The following RNF144B variants were observed in gnomAD, a reference collection of about 807,000 sequenced individuals.
RNF144B encodes E3 ubiquitin-protein ligase RNF144B.
A neutral mutation model predicts 40.2 loss-of-function variants in RNF144B; 25 were observed. That is an observed-to-expected ratio of 0.62 (90% CI 0.45 to 0.87). The LOEUF (loss-of-function observed/expected upper bound fraction) is 0.87. Among genes scored for constraint, RNF144B ranks in the 40% least tolerant of loss-of-function variants. The probability of loss-of-function intolerance (pLI) is 0.00; values close to 1 mark genes in which losing one functional copy is unlikely to be tolerated. For missense variants in RNF144B, 365 were observed against 373.7 expected, an observed-to-expected ratio of 0.98 and a Z score of 0.19; for synonymous variants, 145 against 136.3, an observed-to-expected ratio of 1.06 and a Z score of -0.44.
At position 18,419,645 on chromosome 6, in the gene RNF144B, G is replaced by A. The variant is rs574048208; in HGVS notation, c.166-7936G>A. Among the ~76,000 whole-genome samples the A allele has an allele frequency of 6.6e-6, 1 of 152,114 alleles. No homozygotes were observed. The highest frequency in any genetic ancestry group is 1.5e-5 in the Non-Finnish European group (1 of 68,022). ...GATACTGCTGTTGAGAGGTTGGGAA[G>A]GAAGAAATGTGTACTGGATTCAGTG... On this transcript the variant is annotated intron_variant, in intron 2 of 7. Coordinates refer to ENST00000259939, the MANE Select transcript of RNF144B (RefSeq NM_182757.4). This position sits in a 1 kb window ranked among gnomAD's most constrained non-coding sequence, Gnocchi z 4.6.
chr6:18,464,954 A>G lies in RNF144B; in HGVS notation c.799A>G (p.Ile267Val), dbSNP rs757844724. ...GGTGGGGATTCTCGTAGGCTTGGGC[A>G]TCATTGCCTTGGTTACTTCACCCTT... ...QVVGILVGLGIIALVTSPLLL... is the reference protein window; with the variant it reads ...QVVGILVGLGVIALVTSPLLL... The change falls in exon 8 of 8, where the codon ATC (isoleucine) becomes GTC (valine). Residue 267 changes from isoleucine (I) to valine (V), a missense_variant. Physicochemically the swap from Ile to Val is conservative, Grantham distance 29. Transcript: ENST00000259939. The surrounding 1 kb of genome is among the most constrained non-coding windows in gnomAD (Gnocchi z 6.1). 3 of 1,614,062 alleles carry G rather than the reference A, an allele frequency of 1.9e-6. No homozygotes were observed. The Admixed American group carries it at 5.0e-5, about 27-fold the overall frequency.
chr6:18,394,532 A>T (rs1222539234), intron 1 of RNF144B, among the ~76,000 whole-genome samples: 2 of 151,272 alleles, frequency 1.3e-5, no homozygotes, highest in African/African-American at 4.9e-5. Flanking sequence ...CGGGAGGTGG[A>T]GGTTGCAGTG....
intron 1 of RNF144B, among the ~76,000 whole-genome samples, chr6:18,391,515 C>T (rs376336286): frequency 1.2e-4 from 19 of 152,234 alleles, no homozygotes; most frequent in Middle Eastern, 3.4e-3. Context: ...GGATTTCTAC[C>T]TCTTGGGCCT....
rs185725075 is a variant in RNF144B, at chr6:18,400,514, C to T, written c.165+815C>T. On this transcript the variant is annotated intron_variant, in intron 2 of 7. Coordinates refer to ENST00000259939, the MANE Select transcript of RNF144B (RefSeq NM_182757.4). This position sits in a 1 kb window ranked among gnomAD's most constrained non-coding sequence, Gnocchi z 5.6. The stretch of plus-strand genomic sequence containing the variant: ...TCCACTTAATGAGAGCCCTATAGAC[C>T]TGCAGAAGTGGGCTTATCTCTTTTA... 8.5e-5 allele frequency among the ~76,000 whole-genome samples: 13 copies of T among 152,280 alleles called. No individual in the cohort carries two copies. Among genetic ancestry groups the T allele is most frequent in the African/African-American group, 3.1e-4 (13 of 41,548 alleles).
At chr6:18,393,187 G>A (rs778900025) in intron 1 of RNF144B, among the ~76,000 whole-genome samples, 1 of 151,912 alleles carries the variant, frequency 6.6e-6, no homozygotes, top group South Asian at 2.1e-4. Flanking sequence ...CCCTGACTAC[G>A]AGAGGGGCAG....
At position 18,412,895 on chromosome 6, in the gene RNF144B, T is replaced by G. The variant is rs1465904279; in HGVS notation, c.165+13196T>G. 6.6e-6 allele frequency among the ~76,000 whole-genome samples: 1 copy of G among 152,142 alleles called. No homozygotes were observed. The highest frequency in any genetic ancestry group is 6.5e-5 in the Admixed American group (1 of 15,276). On this transcript the variant is annotated intron_variant, in intron 2 of 7. Coordinates refer to ENST00000259939, the MANE Select transcript of RNF144B (RefSeq NM_182757.4). This position sits in a 1 kb window ranked among gnomAD's most constrained non-coding sequence, Gnocchi z 4.2. ...GTTTGACTCTTCTGGAAAATATGTG[T>G]GAGGTATTTACTACATGAATGTAGG...
In RNF144B at chr6:18,443,387, C is replaced by G. The variant is rs968121617; in HGVS notation, c.331+3643C>G. On this transcript the variant is annotated intron_variant, in intron 4 of 7. Coordinates refer to ENST00000259939, the MANE Select transcript of RNF144B (RefSeq NM_182757.4). The surrounding 1 kb of genome is among the most constrained non-coding windows in gnomAD (Gnocchi z 4.7). ...AAGCGATTCTCCTGCCTCAGCCTCCCGAGTAGATGGGATTACAGGTGCCTG... is the reference window on the plus strand; with the variant it reads ...AAGCGATTCTCCTGCCTCAGCCTCCGGAGTAGATGGGATTACAGGTGCCTG... Among the ~76,000 whole-genome samples the G allele has an allele frequency of 6.6e-6, 1 of 152,012 alleles. No individual in the cohort carries two copies. Among genetic ancestry groups the G allele is most frequent in the Admixed American group, 6.6e-5 (1 of 15,232 alleles).
In RNF144B at chr6:18,465,087, C is replaced by T. The variant is rs1759548716; in HGVS notation, c.*20C>T. ...ACCTAAAGATCTCTGTGTTCATACG[C>T]CCCAGATATGTGAGTTACATGAGAT... On this transcript the variant is annotated 3_prime_UTR_variant, in exon 8 of 8. Coordinates refer to ENST00000259939, the MANE Select transcript of RNF144B (RefSeq NM_182757.4). 1.2e-6 allele frequency: 2 copies of T among 1,611,992 alleles called. No homozygotes were observed. Among genetic ancestry groups the T allele is most frequent in the East Asian group, 2.2e-5 (1 of 44,774 alleles).
In RNF144B at chr6:18,463,282, A is replaced by G. The variant is rs1409878353; in HGVS notation, c.682-9A>G. 1 of 1,553,558 alleles carries G rather than the reference A, an allele frequency of 6.4e-7. No homozygotes were observed. The highest frequency in any genetic ancestry group is 1.1e-5 in the South Asian group (1 of 89,900). On this transcript the variant is annotated splice_polypyrimidine_tract_variant and intron_variant, in intron 6 of 7. Transcript: ENST00000259939. ...CATATTTACTGAAATCAATCTTTTT[A>G]TTTTTCAGAATGACATTTTCCTCAG...
chr6:18,451,404 C>T lies in RNF144B; in HGVS notation c.332-5751C>T, dbSNP rs1013105858. 4.6e-5 allele frequency among the ~76,000 whole-genome samples: 7 copies of T among 152,120 alleles called. No homozygotes were observed. The South Asian group carries it at 1.5e-3, about 32-fold the overall frequency. On this transcript the variant is annotated intron_variant, in intron 4 of 7. Coordinates refer to ENST00000259939, the MANE Select transcript of RNF144B (RefSeq NM_182757.4). ...GGAATAATCCAAATTTAATTGAAGT[C>T]GAGGCTTACTTACGATATGAGTTCC... is the stretch of plus-strand genomic sequence containing the variant.
chr6:18,429,928 G>A (rs1238355361), intron 3 of RNF144B, among the ~76,000 whole-genome samples: 2 of 152,194 alleles, frequency 1.3e-5, no homozygotes, highest in Admixed American at 6.5e-5. Flanking sequence ...CAGAGAGACA[G>A]TCAACTTATA....
chr6:18,467,226 G>C lies in RNF144B; in HGVS notation c.*2159G>C, dbSNP rs545315253. 6.6e-6 allele frequency: 1 copy of C among 152,498 alleles called. No individual in the cohort carries two copies. The highest frequency in any genetic ancestry group is 1.5e-5 in the Non-Finnish European group (1 of 68,032). 9.4% of individuals were successfully genotyped at this position (152,498 alleles called of 1,614,324 possible). On this transcript the variant is annotated 3_prime_UTR_variant, in exon 8 of 8. Transcript: ENST00000259939. ...CAGTAAACTCTTTAAGCTTGGTGCT[G>C]CAAAGAGTCTTTAAATGGGGGCTGA...
chr6:18,407,831 A>G (rs947763749), intron 2 of RNF144B, among the ~76,000 whole-genome samples: 1 of 152,170 alleles, frequency 6.6e-6, no homozygotes, highest in Non-Finnish European at 1.5e-5. Context: ...TGTAGGAAAT[A>G]GTGAGCTATC....
intron 2 of RNF144B, among the ~76,000 whole-genome samples, chr6:18,404,627 A>G (rs560467217): frequency 6.6e-6 from 1 of 152,286 alleles, no homozygotes; most frequent in African/African-American, 2.4e-5. Context: ...TAGGATAGAG[A>G]GAAATGTCTC....
Position 18,406,196 on chromosome 6 carries a change from G to A in RNF144B, c.165+6497G>A, listed in dbSNP as rs1191466314. On this transcript the variant is annotated intron_variant, in intron 2 of 7. Transcript: ENST00000259939. The surrounding 1 kb of genome is among the most constrained non-coding windows in gnomAD (Gnocchi z 4.2). Reference sequence around the variant, plus strand: ...GCTAACAAGTAAATACAGAAGTCAGGTGATGGTTTGTGCTATGGAAAAATA... The same window carrying A: ...GCTAACAAGTAAATACAGAAGTCAGATGATGGTTTGTGCTATGGAAAAATA... The A allele has an allele frequency of 3.9e-6, 2 of 517,754 alleles. No homozygotes were observed. Among genetic ancestry groups the A allele is most frequent in the African/African-American group, 3.9e-5 (2 of 51,936 alleles). The allele number at this position is 517,754 out of a possible 1,614,324, so 32.1% of individuals were successfully genotyped here. A position where few individuals can be genotyped will look rare whatever the true frequency, so the allele number is the denominator to read the frequency against.
At chr6:18,389,959 T>C (rs1794548543) in intron 1 of RNF144B, among the ~76,000 whole-genome samples, 1 of 152,192 alleles carries the variant, frequency 6.6e-6, no homozygotes, top group Non-Finnish European at 1.5e-5. Flanking sequence ...TTTAATATTT[T>C]CTCTCCTCCA....
At chr6:18,413,948 C>T (rs1268716632) in intron 2 of RNF144B, among the ~76,000 whole-genome samples, 1 of 152,010 alleles carries the variant, frequency 6.6e-6, no homozygotes, top group African/African-American at 2.4e-5. Flanking sequence ...AAGACTGGTT[C>T]AAATTATGTC....
In RNF144B at chr6:18,441,692, G is replaced by A. The variant is rs1390620239; in HGVS notation, c.331+1948G>A. On this transcript the variant is annotated intron_variant, in intron 4 of 7. Coordinates refer to ENST00000259939, the MANE Select transcript of RNF144B (RefSeq NM_182757.4). This position sits in a 1 kb window ranked among gnomAD's most constrained non-coding sequence, Gnocchi z 4.9. ...TAAAATCGTAGCTAAGACCCTGAGT[G>A]CAATTGCAGGCTCCACCACTGGTAA... 6.6e-6 allele frequency among the ~76,000 whole-genome samples: 1 copy of A among 152,176 alleles called. No homozygotes were observed. Among genetic ancestry groups the A allele is most frequent in the Non-Finnish European group, 1.5e-5 (1 of 68,030 alleles).
intron 3 of RNF144B, among the ~76,000 whole-genome samples, chr6:18,433,148 T>C (rs1758731002): frequency 6.6e-6 from 1 of 152,224 alleles, no homozygotes; most frequent in Non-Finnish European, 1.5e-5. Context: ...CTTAACATTC[T>C]TCCTTCCCAT....
Sources: gnomAD v4.1 joint callset for allele counts (sites outside exome capture counted in the v4.1 genomes callset) on GRCh38, gnomAD v4.1.1 for gene constraint, Gnocchi (gnomAD v3.1) non-coding constraint, MANE v1.5 for transcripts, NCBI Gene and HGNC (gene_info 2026-07-23, HGNC 2026-07-21) for gene names.